Variants in PEX5L observed in about 807,000 individuals in gnomAD.
PEX5L encodes peroxisomal biogenesis factor 5 like, also known as PEX5-related protein.
Under a neutral mutation model 84.0 loss-of-function variants are expected in PEX5L, and 30 were observed. The ratio of observed to expected loss-of-function variants is 0.36; its 90% CI spans 0.27 to 0.48. PEX5L has a LOEUF of 0.48. PEX5L is among the 20% of genes least tolerant of loss of function. The pLI, the probability that PEX5L is intolerant of heterozygous loss-of-function variation, is 0.99. For missense variants in PEX5L, 533 were observed against 754.6 expected (o/e 0.71, Z 3.44); for synonymous variants, 270 against 283.1 (o/e 0.95, Z 0.46).
At chr3:179,835,698 C>G (rs146117343) in intron 8 of PEX5L, among the ~76,000 whole-genome samples, 26 of 152,230 alleles carry the variant, frequency 1.7e-4, no homozygotes, top group African/African-American at 6.0e-4. Flanking sequence ...CACATTTTAA[C>G]TAAATATTTA....
intron 1 of PEX5L, among the ~76,000 whole-genome samples, chr3:180,015,712 A>G (rs1789884867): frequency 6.6e-6 from 1 of 151,930 alleles, no homozygotes; most frequent in Admixed American, 6.6e-5. Flanking sequence ...ACCATTCTAT[A>G]TATTAATCTC....
intron 2 of PEX5L, among the ~76,000 whole-genome samples, chr3:179,904,395 G>A (rs902255284): frequency 6.6e-6 from 1 of 152,176 alleles, no homozygotes; most frequent in East Asian, 1.9e-4. Context: ...GTGATCAAGT[G>A]GGGGAAGGGA....
At chr3:179,947,291 T>C (rs1777823172) in intron 2 of PEX5L, among the ~76,000 whole-genome samples, 1 of 144,282 alleles carries the variant, frequency 6.9e-6, no homozygotes, top group Non-Finnish European at 1.6e-5. Context: ...ACAGTTACCA[T>C]TAATTGAATA....
intron 1 of PEX5L, among the ~76,000 whole-genome samples, chr3:180,013,745 AGTT>A (rs1789688749): frequency 6.6e-6 from 1 of 152,324 alleles, no homozygotes; most frequent in Admixed American, 6.5e-5. Flanking sequence ...TGTATTTCAT[AGTT>A]CCCTGAGGGT....
intron 2 of PEX5L, among the ~76,000 whole-genome samples, chr3:179,917,474 T>C (rs1767617497): frequency 6.6e-6 from 1 of 152,244 alleles, no homozygotes; most frequent in African/African-American, 2.4e-5. Context: ...TTGCAGGTGC[T>C]ATACTTATAC....
chr3:179,816,591 G>A (rs1726194767), intron 9 of PEX5L, among the ~76,000 whole-genome samples: 1 of 151,940 alleles, frequency 6.6e-6, no homozygotes, highest in South Asian at 2.1e-4. Context: ...CTGTTGAGGG[G>A]TCGGGGGCTA....
chr3:179,819,924 C>T lies in PEX5L; in HGVS notation c.875G>A (p.Arg292Gln), dbSNP rs139529181. ...KMQAEWEEMA[R>Q]RNWISENQEA... Reference sequence around the variant, plus strand: ...TTGGTTCTCAGATATCCAGTTCCTCCGAGCCATTTCTTCCCATTCTGCTTG... The same window carrying T: ...TTGGTTCTCAGATATCCAGTTCCTCTGAGCCATTTCTTCCCATTCTGCTTG... Residue 292 changes from arginine (R) to glutamine (Q), a missense_variant, in exon 9 of 15, where the codon CGG (arginine) becomes CAG (glutamine). Arg to Gln is a conservative substitution (Grantham distance 43). Transcript: ENST00000467460. The T allele has an allele frequency of 7.7e-5, 125 of 1,613,792 alleles. No homozygotes were observed. Among genetic ancestry groups the T allele is most frequent in the Middle Eastern group, 3.3e-4 (2 of 6,084 alleles).
intron 2 of PEX5L, among the ~76,000 whole-genome samples, chr3:179,950,471 C>T (rs1297473713): frequency 6.6e-6 from 1 of 152,012 alleles, no homozygotes; most frequent in Non-Finnish European, 1.5e-5. Flanking sequence ...ATGTAACAAA[C>T]CTGCACATTG....
At chr3:179,925,915 A>T (rs921729712) in intron 2 of PEX5L, among the ~76,000 whole-genome samples, 1 of 152,100 alleles carries the variant, frequency 6.6e-6, no homozygotes, top group African/African-American at 2.4e-5. Context: ...ACCATATTGA[A>T]AATTGTTTTC....
At chr3:179,807,007 G>A (rs537451748) in intron 14 of PEX5L, among the ~76,000 whole-genome samples, 2 of 152,108 alleles carry the variant, frequency 1.3e-5, no homozygotes, top group South Asian at 4.1e-4. Context: ...AATGGGAAAA[G>A]AAAGAAGAAA....
At chr3:179,997,465 A>G (rs1787994338) in intron 1 of PEX5L, among the ~76,000 whole-genome samples, 1 of 152,186 alleles carries the variant, frequency 6.6e-6, no homozygotes, top group Admixed American at 6.5e-5. Context: ...TGGTAAGGTG[A>G]GGGCTATTAT....
intron 7 of PEX5L, among the ~76,000 whole-genome samples, chr3:179,859,633 G>A (rs990309960): frequency 2.0e-5 from 3 of 152,162 alleles, no homozygotes; most frequent in East Asian, 3.9e-4. Flanking sequence ...GCCTTTCTCC[G>A]TATGTACACA....
chr3:179,836,634 C>A (rs1735045038), intron 8 of PEX5L, among the ~76,000 whole-genome samples: 1 of 152,130 alleles, frequency 6.6e-6, no homozygotes, highest in African/African-American at 2.4e-5. Flanking sequence ...CATCAGATAA[C>A]CTTTTCTAAA....
chr3:179,824,453 C>A (rs1044520196), intron 8 of PEX5L, among the ~76,000 whole-genome samples: 1 of 152,048 alleles, frequency 6.6e-6, no homozygotes, highest in Non-Finnish European at 1.5e-5. Context: ...CGCCTGTAAT[C>A]CCAAGACTTT....
rs183020706 is a variant in PEX5L at position 179,973,933 on chromosome 3, A to T, written c.22-2268T>A. ...CTGGAGCCTTACAGTTTTACTCTAG[A>T]ATTAAGCAATATTTTCTAGTTCACC... On this transcript the variant is annotated intron_variant, in intron 1 of 14. Coordinates refer to ENST00000467460, the MANE Select transcript of PEX5L (RefSeq NM_016559.3). 17 of 985,492 alleles carry T rather than the reference A, an allele frequency of 1.7e-5. No individual in the cohort carries two copies. The Admixed American group carries it at 4.3e-4, about 25-fold the overall frequency. 61.0% of individuals were successfully genotyped at this position (985,492 alleles called of 1,614,324 possible).
intron 2 of PEX5L, among the ~76,000 whole-genome samples, chr3:179,950,700 G>A (rs1778855686): frequency 1.3e-5 from 2 of 152,206 alleles, no homozygotes; most frequent in South Asian, 2.1e-4. Context: ...AATATTCAAT[G>A]AGCATGTGGA....
chr3:179,919,999 G>A (rs1422388073), intron 2 of PEX5L, among the ~76,000 whole-genome samples: 1 of 152,150 alleles, frequency 6.6e-6, no homozygotes, highest in Admixed American at 6.5e-5. Flanking sequence ...CACTGAGCTT[G>A]GTCAACTTTT....
At chr3:179,968,697 C>CTGTGTGTGTGTGTGTGTG (rs67094806) in intron 2 of PEX5L, among the ~76,000 whole-genome samples, 7 of 143,988 alleles carry the variant, frequency 4.9e-5, no homozygotes, top group Admixed American at 1.4e-4. Context: ...ATTTAAATGA[C>CTGTGTGTGTGTGTGTGTG]TGTGTGTGTG....
intron 2 of PEX5L, among the ~76,000 whole-genome samples, chr3:179,954,242 T>C (rs1200188834): frequency 1.3e-5 from 2 of 151,324 alleles, no homozygotes; most frequent in Non-Finnish European, 2.9e-5. Flanking sequence ...GTAAAAGGGC[T>C]TCAGCACTCT....
Sources: allele counts gnomAD v4.1 joint callset (sites outside exome capture counted in the v4.1 genomes callset), GRCh38; gene constraint gnomAD v4.1.1; transcripts MANE v1.5; gene names NCBI Gene and HGNC (gene_info 2026-07-23, HGNC 2026-07-21).